Variants in RAB40C observed in about 807,000 individuals in gnomAD.
RAB40C encodes the protein RAB40C, member RAS oncogene family, also known as ras-related protein Rab-40C.
In RAB40C, 8 loss-of-function variants were observed where a neutral mutation model predicts 28.1. The ratio of observed to expected loss-of-function variants is 0.28; its 90% CI spans 0.17 to 0.51. RAB40C has a LOEUF of 0.51. Among genes scored for constraint, RAB40C ranks in the 20% least tolerant of loss-of-function variants. The pLI is 0.97. For synonymous variants in RAB40C, 201 were observed against 171.7 expected (o/e 1.17, Z -1.34); for missense variants, 288 against 405.9 (o/e 0.71, Z 2.50).
At chr16:624,803 G>A (rs989878136) in intron 3 of RAB40C, 2 of 985,330 alleles carry the variant, frequency 2.0e-6, no homozygotes, top group Admixed American at 6.1e-5. Context: ...TGTGAGCAGT[G>A]TGCTCCCCTG....
chr16:618,101 C>A, intron 2 of RAB40C, 99 bp from the exon 3 acceptor site: 3 of 1,179,622 alleles, frequency 2.5e-6, no homozygotes, highest in Non-Finnish European at 2.5e-6. Context: ...GGCCGCCCCG[C>A]TCCCCTCAGG....
intron 5 of RAB40C, among the ~76,000 whole-genome samples, chr16:626,429 T>C (rs559223498): frequency 1.3e-5 from 2 of 152,222 alleles, no homozygotes; most frequent in African/African-American, 2.4e-5. Flanking sequence ...CGCTCCTTCC[T>C]GGTTCCGGGG....
chr16:590,219 G>C lies in RAB40C; in HGVS notation c.-73G>C. On this transcript the variant is annotated 5_prime_UTR_variant, in exon 1 of 6. Transcript: ENST00000248139. ...GCAACGGGCGCAGGTGCGGGGCGCG[G>C]GCTCTCTCACGCCGCGGCCTCACCC... is the stretch of plus-strand genomic sequence containing the variant. 8.6e-7 allele frequency: 1 copy of C among 1,164,074 alleles called. No homozygotes were observed. The highest frequency in any genetic ancestry group is 1.1e-6 in the Non-Finnish European group (1 of 931,120). 72.1% of individuals were successfully genotyped at this position (1,164,074 alleles called of 1,614,324 possible).
intron 1 of RAB40C, among the ~76,000 whole-genome samples, chr16:594,058 G>A (rs2036059866): frequency 6.6e-6 from 1 of 152,160 alleles, no homozygotes; most frequent in Non-Finnish European, 1.5e-5. Flanking sequence ...CGCACAGGGT[G>A]CACACCCTTC....
In RAB40C at chr16:601,725, C is replaced by T. The variant is rs530382845; in HGVS notation, c.142+11292C>T. The stretch of plus-strand genomic sequence containing the variant: ...GTGCGGTGGTGCACGCCTATAATCC[C>T]AGCTACTTGGGAAGTCAAGGCAGGC... On this transcript the variant is annotated intron_variant, in intron 1 of 5. Coordinates refer to ENST00000248139, the MANE Select transcript of RAB40C (RefSeq NM_021168.5). Among the ~76,000 whole-genome samples the T allele has an allele frequency of 5.7e-4, 86 of 150,174 alleles. 3 individuals are homozygous for T. In the South Asian group the frequency reaches 0.018, roughly 31 times the overall value.
Position 614,375 on chromosome 16 carries a change from T to G in RAB40C, c.143-2833T>G, listed in dbSNP as rs545655604. On this transcript the variant is annotated intron_variant, in intron 1 of 5. Transcript: ENST00000248139. ...TGGTGAACTGCCAAACTTTACCTCG[T>G]CCCGATGGTGAACTGCCTAAACCTC... is the stretch of plus-strand genomic sequence containing the variant. Among the ~76,000 whole-genome samples the G allele has an allele frequency of 5.0e-5, 5 of 100,470 alleles. No homozygotes were observed. The South Asian group carries it at 1.6e-3, about 31-fold the overall frequency. The allele number at this position is 100,470 out of a possible 152,430, so 65.9% of individuals were successfully genotyped here.
At chr16:618,316 T>C (rs1800992868) in intron 3 of RAB40C, 56 bp downstream of exon 3, 1 of 1,509,898 alleles carries the variant, frequency 6.6e-7, no homozygotes, top group Non-Finnish European at 9.0e-7. Context: ...TCCTGATTCT[T>C]TCTGAATGTG....
chr16:603,729 G>T (rs1457780551), intron 1 of RAB40C, among the ~76,000 whole-genome samples: 5 of 152,152 alleles, frequency 3.3e-5, no homozygotes, highest in African/African-American at 1.2e-4. Flanking sequence ...CAAATCAGGA[G>T]CACATCCACT....
chr16:605,095 A>G lies in RAB40C; in HGVS notation c.143-12113A>G, dbSNP rs2036332189. Among the ~76,000 whole-genome samples, 3 of 152,170 alleles carry G rather than the reference A, an allele frequency of 2.0e-5. No homozygotes were observed. The South Asian group carries it at 6.2e-4, about 32-fold the overall frequency. ...AAATTAGCCTGGTGTGGTGACGCAC[A>G]CTTGTAATAGTCTTAGCTACTCAGG... On this transcript the variant is annotated intron_variant, in intron 1 of 5. Transcript: ENST00000248139.
intron 1 of RAB40C, among the ~76,000 whole-genome samples, chr16:592,030 CCT>C (rs1770716961): frequency 6.6e-6 from 1 of 152,210 alleles, no homozygotes; most frequent in South Asian, 2.1e-4. Flanking sequence ...GTCCTCATCC[CCT>C]CTCATGGGGG....
intron 1 of RAB40C, among the ~76,000 whole-genome samples, chr16:592,945 C>T (rs1220208792): frequency 6.6e-6 from 1 of 152,244 alleles, no homozygotes; most frequent in African/African-American, 2.4e-5. Flanking sequence ...ACGTGGAGAC[C>T]TGCCTGCTTG....
At position 604,249 on chromosome 16, in the gene RAB40C, T is replaced by A. The variant is rs546208914; in HGVS notation, c.143-12959T>A. Among the ~76,000 whole-genome samples, 210 of 149,580 alleles carry A rather than the reference T, an allele frequency of 1.4e-3. 1 individual carries two copies. Among genetic ancestry groups the A allele is most frequent in the African/African-American group, 4.1e-3 (164 of 40,322 alleles). On this transcript the variant is annotated intron_variant, in intron 1 of 5. Coordinates refer to ENST00000248139, the MANE Select transcript of RAB40C (RefSeq NM_021168.5). ...GCTAGTTCTTTTAAATTTTTTTTTT[T>A]AATTATTTTTCTTGTAAAATACAGA...
At chr16:614,536 A>C (rs1163723353) in intron 1 of RAB40C, among the ~76,000 whole-genome samples, 2 of 125,496 alleles carry the variant, frequency 1.6e-5, no homozygotes, top group African/African-American at 6.2e-5. Flanking sequence ...CCCGATGGTG[A>C]ACTGCCTAAA....
intron 3 of RAB40C, among the ~76,000 whole-genome samples, chr16:620,940 A>G (rs2036703895): frequency 6.6e-6 from 1 of 152,154 alleles, no homozygotes; most frequent in East Asian, 1.9e-4. Flanking sequence ...GAACTAAAAA[A>G]GAAAAAAGCA....
Position 627,447 on chromosome 16 carries a change from CCTT to C in RAB40C, c.674_676del (p.Phe225del), listed in dbSNP as rs1217995076. On this transcript the variant is annotated inframe_deletion, in exon 6 of 6. Transcript: ENST00000248139. ...GTCACCATCAAGAGCCACCTCAAGT[CCTT>C]CTCGATGGCCAACGGCATGAACGCG... is the stretch of plus-strand genomic sequence containing the variant. 1.2e-6 allele frequency: 2 copies of C among 1,613,968 alleles called. No homozygotes were observed. Among genetic ancestry groups the C allele is most frequent in the Admixed American group, 1.7e-5 (1 of 60,008 alleles).
rs1374649817 is a variant in RAB40C at position 627,415 on chromosome 16, A to C, written c.639A>C (p.Pro213=). ...CCGTGCACCTCATCGACAAGCTTCC[A>C]CTGCCCGTCACCATCAAGAGCCACC... ...CTPVHLIDKL[P]LPVTIKSHLK... Residue 213 remains proline, a synonymous_variant, in exon 6 of 6, where the codon CCA becomes CCC. Coordinates refer to ENST00000248139, the MANE Select transcript of RAB40C (RefSeq NM_021168.5). The C allele has an allele frequency of 6.2e-7, 1 of 1,613,654 alleles. No homozygotes were observed. The highest frequency in any genetic ancestry group is 8.5e-7 in the Non-Finnish European group (1 of 1,179,932).
chr16:591,218 CAG>C (rs890752132), intron 1 of RAB40C, among the ~76,000 whole-genome samples: 2 of 127,338 alleles, frequency 1.6e-5, no homozygotes, highest in African/African-American at 6.6e-5. Context: ...TCTGGGATCT[CAG>C]GGGAAGGTGT....
Position 610,193 on chromosome 16 carries a change from G to T in RAB40C, c.143-7015G>T, listed in dbSNP as rs1360612537. 1.3e-5 allele frequency among the ~76,000 whole-genome samples: 2 copies of T among 152,134 alleles called. No homozygotes were observed. Among genetic ancestry groups the T allele is most frequent in the Non-Finnish European group, 2.9e-5 (2 of 68,032 alleles). On this transcript the variant is annotated intron_variant, in intron 1 of 5. Transcript: ENST00000248139. This position sits in a 1 kb window ranked among gnomAD's most constrained non-coding sequence, Gnocchi z 4.6. ...GCCGGTGGCTTTGCTCTGGTGGCAG[G>T]ACAGGTGTTCTGACCTCCCTGCCTC...
At chr16:605,642 T>TC (rs1347508497) in intron 1 of RAB40C, among the ~76,000 whole-genome samples, 1 of 152,184 alleles carries the variant, frequency 6.6e-6, no homozygotes, top group Non-Finnish European at 1.5e-5. Flanking sequence ...GCTCCCTCCT[T>TC]CCCCGCGCCG....
Sources: gnomAD v4.1 joint callset for allele counts (sites outside exome capture counted in the v4.1 genomes callset) on GRCh38, gnomAD v4.1.1 for gene constraint, Gnocchi (gnomAD v3.1) non-coding constraint, MANE v1.5 for transcripts, NCBI Gene and HGNC (gene_info 2026-07-23, HGNC 2026-07-21) for gene names.